ALK: variants seen among roughly 807,000 people sequenced by gnomAD.
ALK encodes ALK receptor tyrosine kinase.
ALK carries 74 observed loss-of-function variants against 163.1 expected under a neutral mutation model. The observed-to-expected ratio is 0.45, with a 90% CI of 0.38 to 0.55. ALK has a LOEUF of 0.55. ALK is among the 20% of genes least tolerant of loss of function. The pLI is 0.00. For synonymous variants in ALK, 960 were observed against 843.2 expected, an observed-to-expected ratio of 1.14 and a Z score of -2.40; for missense variants, 2,063 against 2,105.3, an observed-to-expected ratio of 0.98 and a Z score of 0.39.
chr2:29,628,011 C>T (rs958431244), intron 3 of ALK, among the ~76,000 whole-genome samples: 7 of 152,166 alleles, frequency 4.6e-5, no homozygotes, highest in Admixed American at 2.0e-4. Context: ...GTTGAGAAAT[C>T]AAACAGGCTT....
chr2:29,397,324 C>A (rs1459176255), intron 4 of ALK, among the ~76,000 whole-genome samples: 1 of 151,996 alleles, frequency 6.6e-6, no homozygotes, highest in Non-Finnish European at 1.5e-5. Context: ...TGATGTATAC[C>A]AAGGAATGCC....
chr2:29,339,262 G>C (rs1049704353), intron 5 of ALK, among the ~76,000 whole-genome samples: 1 of 150,288 alleles, frequency 6.7e-6, no homozygotes, highest in African/African-American at 2.4e-5. Context: ...AAAAAGTGAT[G>C]TGTCTTCTCT....
At chr2:29,589,304 G>A (rs936884500) in intron 3 of ALK, among the ~76,000 whole-genome samples, 7 of 152,188 alleles carry the variant, frequency 4.6e-5, no homozygotes, top group Admixed American at 4.6e-4. Flanking sequence ...ACTAACAGGT[G>A]AGGGTCACAG....
chr2:29,532,734 A>G (rs527552705), intron 3 of ALK, among the ~76,000 whole-genome samples: 1 of 152,326 alleles, frequency 6.6e-6, no homozygotes, highest in African/African-American at 2.4e-5. Context: ...AGAAACCTAC[A>G]TTCATGGGGA....
intron 2 of ALK, among the ~76,000 whole-genome samples, chr2:29,717,080 G>A (rs1487165255): frequency 6.8e-6 from 1 of 147,744 alleles, no homozygotes; most frequent in Admixed American, 7.0e-5. Flanking sequence ...GCTGAGGCAG[G>A]AGAATGGTGT....
intron 4 of ALK, among the ~76,000 whole-genome samples, chr2:29,434,668 A>C (rs1412267874): frequency 6.6e-6 from 1 of 152,224 alleles, no homozygotes; most frequent in Non-Finnish European, 1.5e-5. Context: ...TACATGATTA[A>C]AATTCATAAG....
intron 3 of ALK, among the ~76,000 whole-genome samples, chr2:29,639,081 C>T (rs1461446070): frequency 2.0e-5 from 3 of 152,176 alleles, no homozygotes. Flanking sequence ...AGAAAACACT[C>T]TAATTCTGAC....
At chr2:29,762,673 G>C (rs1296973178) in intron 1 of ALK, among the ~76,000 whole-genome samples, 1 of 152,232 alleles carries the variant, frequency 6.6e-6, no homozygotes, top group African/African-American at 2.4e-5. Flanking sequence ...CAGAACAGAA[G>C]AGGAAATGAG....
chr2:29,360,248 C>T (rs541036246), intron 5 of ALK, among the ~76,000 whole-genome samples: 1 of 152,310 alleles, frequency 6.6e-6, no homozygotes, highest in Non-Finnish European at 1.5e-5. Flanking sequence ...CTTCCCAGTC[C>T]TGGCCCTTCC....
intron 12 of ALK, among the ~76,000 whole-genome samples, chr2:29,241,611 G>C (rs1477243723): frequency 6.6e-6 from 1 of 151,706 alleles, no homozygotes; most frequent in Non-Finnish European, 1.5e-5. Context: ...GTGGGAATTG[G>C]GGCTTGTGTG....
chr2:29,281,344 G>C (rs1665714232), intron 9 of ALK, among the ~76,000 whole-genome samples: 3 of 152,154 alleles, frequency 2.0e-5, no homozygotes, highest in African/African-American at 7.2e-5. Flanking sequence ...CTTCCTCTCT[G>C]TGGGCAGCCT....
At chr2:29,619,419 C>G (rs114245467) in intron 3 of ALK, among the ~76,000 whole-genome samples, 1,677 of 152,288 alleles carry the variant, frequency 0.011, 30 homozygotes, top group African/African-American at 0.038. Context: ...AATACCTGTT[C>G]TTTGAGCGTG....
intron 3 of ALK, among the ~76,000 whole-genome samples, chr2:29,644,363 C>G (rs560545739): frequency 6.8e-4 from 103 of 151,368 alleles, no homozygotes; most frequent in Non-Finnish European, 2.8e-4. Context: ...CAAACCTGCA[C>G]GTTGTGCACA....
intron 3 of ALK, among the ~76,000 whole-genome samples, chr2:29,693,406 T>C (rs1374941446): frequency 2.8e-5 from 4 of 145,172 alleles, no homozygotes; most frequent in Non-Finnish European, 4.6e-5. Flanking sequence ...AGCACTCACC[T>C]ACACACACAC....
chr2:29,914,283 A>G (rs1667776316), intron 1 of ALK, among the ~76,000 whole-genome samples: 1 of 152,334 alleles, frequency 6.6e-6, no homozygotes, highest in South Asian at 2.1e-4. Context: ...TTCATTTCCC[A>G]TACATCCCAC....
At chr2:29,255,330 ACCTTG>A (rs1664923993) in intron 11 of ALK, among the ~76,000 whole-genome samples, 1 of 152,142 alleles carries the variant, frequency 6.6e-6, no homozygotes, top group Non-Finnish European at 1.5e-5. Flanking sequence ...GCACAGTGGG[ACCTTG>A]GCAATCTCTG....
rs540043052 is a variant in ALK, at chr2:29,548,348, C to T, written c.953-16232G>A. Among the ~76,000 whole-genome samples, 1,064 of 152,164 alleles carry T rather than the reference C, an allele frequency of 7.0e-3. 6 individuals carry two copies. Among genetic ancestry groups the T allele is most frequent in the African/African-American group, 0.024 (1,014 of 41,492 alleles). On this transcript the variant is annotated intron_variant, in intron 3 of 28. Coordinates refer to ENST00000389048, the MANE Select transcript of ALK (RefSeq NM_004304.5). ...CTTAGCCGGGCGTGGTGGCGTGCAC[C>T]TGTAATCCCAGCTACTCCGGAGGTT...
rs7590356 is a variant in ALK, at chr2:29,291,091, G to A, written c.1817+5797C>T. On this transcript the variant is annotated intron_variant, in intron 9 of 28. Coordinates refer to ENST00000389048, the MANE Select transcript of ALK (RefSeq NM_004304.5). ...GTAACAATGGCTATTGACCAGGTGC[G>A]ATGGCTCCTGCCTGTTATCCCAGCA... Among the ~76,000 whole-genome samples the A allele has an allele frequency of 3.2e-3, 485 of 152,296 alleles. 2 individuals carry two copies. The highest frequency in any genetic ancestry group is 0.011 in the African/African-American group (472 of 41,560).
intron 4 of ALK, among the ~76,000 whole-genome samples, chr2:29,410,266 ATGCATATG>A (rs553689115): frequency 5.3e-4 from 80 of 152,284 alleles, no homozygotes; most frequent in African/African-American, 1.9e-3. Flanking sequence ...ACTGAGATAG[ATGCATATG>A]TGATTTGCCT....
Sources: allele counts gnomAD v4.1 joint callset (sites outside exome capture counted in the v4.1 genomes callset), GRCh38; gene constraint gnomAD v4.1.1; transcripts MANE v1.5; gene names NCBI Gene and HGNC (gene_info 2026-07-23, HGNC 2026-07-21).